The following PTPN3 variants were observed in gnomAD, a reference collection of about 807,000 sequenced individuals.
PTPN3 encodes the protein protein tyrosine phosphatase non-receptor type 3, also known as tyrosine-protein phosphatase non-receptor type 3.
PTPN3 carries 96 observed loss-of-function variants against 132.7 expected under a neutral mutation model. That is an observed-to-expected ratio of 0.72 (90% CI 0.61 to 0.86). PTPN3 has a LOEUF of 0.86. Ranked by LOEUF, PTPN3 falls within the 40% of genes least tolerant of loss-of-function variation. The pLI, the probability that PTPN3 is intolerant of heterozygous loss-of-function variation, is 0.00. For missense variants in PTPN3, 1,125 were observed against 1,159.6 expected (o/e 0.97, Z 0.43); for synonymous variants, 398 against 429.0 (o/e 0.93, Z 0.89).
chr9:109,452,018 C>T (rs894069645), intron 5 of PTPN3, among the ~76,000 whole-genome samples: 4 of 151,964 alleles, frequency 2.6e-5, no homozygotes, highest in African/African-American at 9.7e-5. Flanking sequence ...GCCTGTAATC[C>T]CAGCACTTTG....
intron 12 of PTPN3, among the ~76,000 whole-genome samples, 155 bp downstream of exon 12, chr9:109,426,795 C>A (rs557343794): frequency 1.3e-5 from 2 of 152,042 alleles, no homozygotes; most frequent in African/African-American, 4.8e-5. Flanking sequence ...CACTGCTGAC[C>A]CCGGGAGACT....
At position 109,383,472 on chromosome 9, in the gene PTPN3, T is replaced by C. The variant is rs770336003; in HGVS notation, c.2333A>G (p.Asp778Gly). Residue 778 changes from aspartate (D) to glycine (G), a missense_variant, in exon 23 of 26, where the codon GAC becomes GGC. Coordinates refer to ENST00000374541, the MANE Select transcript of PTPN3 (RefSeq NM_002829.4). The stretch of plus-strand genomic sequence containing the variant: ...TCGGGACACATAGGCGATGGTGCAG[T>C]CCTCTGACTGACACTGGATGTGAAA... Reference protein sequence around the residue: ...GGFHIQCQSEDCTIAYVSREM... With the variant: ...GGFHIQCQSEGCTIAYVSREM... 27 of 1,613,798 alleles carry C rather than the reference T, an allele frequency of 1.7e-5. No individual in the cohort carries two copies. Among genetic ancestry groups the C allele is most frequent in the Admixed American group, 5.0e-5 (3 of 59,984 alleles).
At chr9:109,423,969 A>G (rs1280091112) in intron 12 of PTPN3, among the ~76,000 whole-genome samples, 1 of 152,230 alleles carries the variant, frequency 6.6e-6, no homozygotes, top group African/African-American at 2.4e-5. Context: ...ACATTAAGAA[A>G]TGCTGTTGTC....
Position 109,422,748 on chromosome 9 carries a change from G to C in PTPN3, c.1106C>G (p.Pro369Arg). The C allele has an allele frequency of 6.2e-7, 1 of 1,612,004 alleles. No homozygotes were observed. Among genetic ancestry groups the C allele is most frequent in the Non-Finnish European group, 8.5e-7 (1 of 1,178,560 alleles). ...SVEHLETKSL[P>R]SRSPPITPNW... Reference sequence around the variant, plus strand: ...GGGAGTAATGGGAGGGGAACGAGAAGGCAGACTCTTGGTTTCTAAGTGCTC... The same window carrying C: ...GGGAGTAATGGGAGGGGAACGAGAACGCAGACTCTTGGTTTCTAAGTGCTC... Residue 369 changes from proline (P) to arginine (R), a missense_variant, in exon 13 of 26, where the codon CCT (proline) becomes CGT (arginine). By Grantham distance (103) the Pro-to-Arg change is moderately radical (BLOSUM62 -2). Coordinates refer to ENST00000374541, the MANE Select transcript of PTPN3 (RefSeq NM_002829.4).
intron 18 of PTPN3, among the ~76,000 whole-genome samples, chr9:109,405,024 G>A (rs138256784): frequency 2.6e-3 from 403 of 152,252 alleles, no homozygotes; most frequent in Non-Finnish European, 4.1e-3. Flanking sequence ...CAGGCATGAG[G>A]GTGAGGTCCC....
At chr9:109,448,106 C>T in intron 6 of PTPN3, among the ~76,000 whole-genome samples, 1 of 152,194 alleles carries the variant, frequency 6.6e-6, no homozygotes, top group African/African-American at 2.4e-5. Context: ...CATATTGGTT[C>T]TAATTGTTTC....
rs907013565 is a variant in PTPN3 at position 109,382,376 on chromosome 9, G to A, written c.2454C>T (p.Ser818=). The A allele has an allele frequency of 6.2e-7, 1 of 1,613,998 alleles. No individual in the cohort carries two copies. Among genetic ancestry groups the A allele is most frequent in the African/African-American group, 1.3e-5 (1 of 74,936 alleles). The change falls in exon 24 of 26, where the codon TCC becomes TCT. Residue 818 remains serine (S), a synonymous_variant. Coordinates refer to ENST00000374541, the MANE Select transcript of PTPN3 (RefSeq NM_002829.4). ...AWPDHGVPDD[S]SDFLEFVNYV... ...AGTTTACAAATTCCAGAAAGTCGGA[G>A]GAGTCATCGGGCACACCGTGGTCAG...
chr9:109,463,372 G>A lies in PTPN3; in HGVS notation c.63C>T (p.Pro21=). The stretch of plus-strand genomic sequence containing the variant: ...TGACTTCTGATCGAGTTTTCTCTTT[G>A]GGTAACTCCGAGGTGCGTATATTAT... The part of the protein sequence containing the change: ...RINNIRTSEL[P]KEKTRSEVIC... The change falls in exon 2 of 26, where the codon CCC becomes CCT. Residue 21 remains proline, a synonymous_variant. Coordinates refer to ENST00000374541, the MANE Select transcript of PTPN3 (RefSeq NM_002829.4). 6.2e-7 allele frequency: 1 copy of A among 1,613,742 alleles called. No individual in the cohort carries two copies. The highest frequency in any genetic ancestry group is 8.5e-7 in the Non-Finnish European group (1 of 1,179,906).
intron 7 of PTPN3, among the ~76,000 whole-genome samples, chr9:109,440,305 T>C (rs1588430837): frequency 6.6e-6 from 1 of 152,200 alleles, no homozygotes. Context: ...ATGTGGCTGG[T>C]GAGTTTGTGC....
At chr9:109,386,985 C>T (rs1043051810) in intron 22 of PTPN3, among the ~76,000 whole-genome samples, 1 of 152,026 alleles carries the variant, frequency 6.6e-6, no homozygotes, top group Admixed American at 6.6e-5. Context: ...AGACTGGCAG[C>T]GGCAGACCGT....
chr9:109,382,234 C>T, intron 24 of PTPN3, 68 bp downstream of exon 24: 2 of 1,544,992 alleles, frequency 1.3e-6, no homozygotes, highest in South Asian at 2.4e-5. Context: ...CTGGCGCCTG[C>T]CAATTGTCTC....
rs1323306395 is a variant in PTPN3, at chr9:109,378,321, C to T, written c.*1235G>A. 6.6e-6 allele frequency: 1 copy of T among 152,588 alleles called. No homozygotes were observed. The highest frequency in any genetic ancestry group is 2.4e-5 in the African/African-American group (1 of 41,434). The allele number at this position is 152,588 out of a possible 1,614,324, so 9.5% of individuals were successfully genotyped here. On this transcript the variant is annotated 3_prime_UTR_variant, in exon 26 of 26. Coordinates refer to ENST00000374541, the MANE Select transcript of PTPN3 (RefSeq NM_002829.4). Reference sequence around the variant, plus strand: ...TTAAAAAAATTTAACACGGTATTCACAAAGGCAGAATTCTTTAGGACAATC... The same window carrying T: ...TTAAAAAAATTTAACACGGTATTCATAAAGGCAGAATTCTTTAGGACAATC...
chr9:109,391,796 C>T (rs1840126185), intron 19 of PTPN3, among the ~76,000 whole-genome samples: 1 of 128,966 alleles, frequency 7.8e-6, no homozygotes, highest in Non-Finnish European at 1.5e-5. Flanking sequence ...GTCTGGGTCT[C>T]AGGTAATGGA....
At position 109,410,386 on chromosome 9, in the gene PTPN3, C is replaced by T. The variant is rs746075257; in HGVS notation, c.1343G>A (p.Ser448Asn). The change falls in exon 15 of 26, where the codon AGC becomes AAC. Residue 448 changes from serine to asparagine, a missense_variant. Transcript: ENST00000374541. ...ESLSENNPAQ[S>N]YLTQKSSSSV... is the part of the protein sequence containing the mutation. ...ACTGGATGACTTCTGGGTCAGGTAGCTTTGTGCCGGATTGTTCTCGGATAA... is the reference window on the plus strand; with the variant it reads ...ACTGGATGACTTCTGGGTCAGGTAGTTTTGTGCCGGATTGTTCTCGGATAA... The T allele has an allele frequency of 6.2e-7, 1 of 1,614,152 alleles. No individual in the cohort carries two copies. Among genetic ancestry groups the T allele is most frequent in the East Asian group, 2.2e-5 (1 of 44,886 alleles).
At chr9:109,508,010 A>G in the PTPN3 span, among the ~76,000 whole-genome samples, 1 of 152,100 alleles carries the variant, frequency 6.6e-6, no homozygotes, top group Non-Finnish European at 1.5e-5. Context: ...AAGGTCACCT[A>G]TATCAACCTC....
chr9:109,415,656 G>T (rs1220434655), intron 14 of PTPN3, among the ~76,000 whole-genome samples: 1 of 152,298 alleles, frequency 6.6e-6, no homozygotes, highest in Non-Finnish European at 1.5e-5. Context: ...GCTGCATGGG[G>T]GCAGTGCAGT....
chr9:109,387,351 G>A (rs1456383529), intron 22 of PTPN3, among the ~76,000 whole-genome samples: 1 of 152,228 alleles, frequency 6.6e-6, no homozygotes. Flanking sequence ...CAAACAGTGT[G>A]TTTAACAGAT....
intron 5 of PTPN3, chr9:109,450,992 T>C (rs1425581761): frequency 2.0e-6 from 2 of 982,004 alleles, no homozygotes; most frequent in Non-Finnish European, 2.4e-6. Context: ...GATAACTATG[T>C]TCCAGGAATA....
Position 109,382,462 on chromosome 9 carries a change from G to C in PTPN3, c.2383-15C>G, listed in dbSNP as rs773106170. ...TCTTCCCCGGTCTGTGGGAGATGCA[G>C]TGGCCTTGGTGAGCCCATCCAGGTG... On this transcript the variant is annotated splice_polypyrimidine_tract_variant and intron_variant, in intron 23 of 25. Coordinates refer to ENST00000374541, the MANE Select transcript of PTPN3 (RefSeq NM_002829.4). 6.2e-7 allele frequency: 1 copy of C among 1,613,416 alleles called. No homozygotes were observed. Among genetic ancestry groups the C allele is most frequent in the African/African-American group, 1.3e-5 (1 of 74,914 alleles).
Sources: gnomAD v4.1 joint callset for allele counts (sites outside exome capture counted in the v4.1 genomes callset) on GRCh38, gnomAD v4.1.1 for gene constraint, MANE v1.5 for transcripts, NCBI Gene and HGNC (gene_info 2026-07-23, HGNC 2026-07-21) for gene names.